Variants in MCPH1 observed in about 807,000 individuals in gnomAD.
MCPH1 encodes microcephalin.
In MCPH1, 104 loss-of-function variants were observed where a neutral mutation model predicts 84.5. The ratio of observed to expected loss-of-function variants is 1.23; its 90% CI spans 1.05 to 1.45. The LOEUF is 1.45. MCPH1 is among the 40% of genes most tolerant of loss of function. The probability of loss-of-function intolerance (pLI) is 0.00; values close to 1 mark genes in which losing one functional copy is unlikely to be tolerated. For missense variants in MCPH1, 1,498 were observed against 1,005.7 expected (o/e 1.49, Z -6.62); for synonymous variants, 514 against 366.8 (o/e 1.40, Z -4.58).
rs1185297486 is a variant in MCPH1 at position 6,467,430 on chromosome 8, A to G, written c.1936-10164A>G. On this transcript the variant is annotated intron_variant, in intron 9 of 13. Coordinates refer to ENST00000344683, the MANE Select transcript of MCPH1 (RefSeq NM_024596.5). Reference sequence around the variant, plus strand: ...AGTTCTCATCATTAAAAGCAGTACTAAAATCTTATCCCAGAATTTATAGGT... The same window carrying G: ...AGTTCTCATCATTAAAAGCAGTACTGAAATCTTATCCCAGAATTTATAGGT... Among the ~76,000 whole-genome samples the G allele has an allele frequency of 2.6e-5, 4 of 152,166 alleles. No individual in the cohort carries two copies. The East Asian group carries it at 5.8e-4, about 22-fold the overall frequency.
In MCPH1 at chr8:6,511,256, G is replaced by A. The variant is rs183290562; in HGVS notation, c.2214+11327G>A. ...AAATTTGGTTATTAAGAATGGCCAC[G>A]TTCTTGAAGTTGCTTTACATTGGTA... On this transcript the variant is annotated intron_variant, in intron 12 of 13. Transcript: ENST00000344683. Among the ~76,000 whole-genome samples, 679 of 151,552 alleles carry A rather than the reference G, an allele frequency of 4.5e-3. 11 individuals carry two copies. Among genetic ancestry groups the A allele is most frequent in the Non-Finnish European group, 3.6e-3 (247 of 67,900 alleles).
rs567545862 is a variant in MCPH1, at chr8:6,527,301, G to T, written c.2214+27372G>T. ...ATTAGCATGCAGAATACTGAGGCAG[G>T]GTTTGGAGGATTACTCTAAGAGGAT... On this transcript the variant is annotated intron_variant, in intron 12 of 13. Transcript: ENST00000344683. Among the ~76,000 whole-genome samples, 9 of 152,294 alleles carry T rather than the reference G, an allele frequency of 5.9e-5. No homozygotes were observed. The South Asian group carries it at 1.9e-3, about 32-fold the overall frequency.
At chr8:6,466,497 C>T (rs1451704498) in intron 9 of MCPH1, among the ~76,000 whole-genome samples, 1 of 152,268 alleles carries the variant, frequency 6.6e-6, no homozygotes, top group South Asian at 2.1e-4. Flanking sequence ...TCGGTAGCAA[C>T]GAGGTTTCGC....
At chr8:6,641,429 T>C (rs563915235) in intron 13 of MCPH1, among the ~76,000 whole-genome samples, 3 of 152,230 alleles carry the variant, frequency 2.0e-5, no homozygotes, top group Non-Finnish European at 2.9e-5. Context: ...TTGAAACTTA[T>C]ACATGGCAAA....
chr8:6,466,131 T>A (rs1167111417), intron 9 of MCPH1, among the ~76,000 whole-genome samples: 75,701 of 100,172 alleles, frequency 0.76, 26,362 homozygotes, highest in Non-Finnish European at 0.81. Flanking sequence ...ATTTTTGGAT[T>A]TTTTTTTTTT....
chr8:6,497,005 CT>C (rs1297647218), intron 11 of MCPH1, among the ~76,000 whole-genome samples: 1 of 152,010 alleles, frequency 6.6e-6, no homozygotes, highest in Non-Finnish European at 1.5e-5. Flanking sequence ...TTATGAAATA[CT>C]TTGTGAATAA....
intron 6 of MCPH1, among the ~76,000 whole-genome samples, chr8:6,439,805 T>C (rs768408896): frequency 1.3e-5 from 2 of 152,254 alleles, no homozygotes; most frequent in African/African-American, 4.8e-5. Context: ...ATTACTGAAG[T>C]GTAATTCACA....
rs555583700 is a variant in MCPH1 at position 6,422,844 on chromosome 8, A to C, written c.233+7961A>C. On this transcript the variant is annotated intron_variant, in intron 3 of 13. Transcript: ENST00000344683. ...GCTGGGACTACCGGAGCCCGCCACC[A>C]CGCCCGGCTAATTTTTTGTGGTTTT... Among the ~76,000 whole-genome samples the C allele has an allele frequency of 4.4e-3, 668 of 151,824 alleles. 6 individuals are homozygous for C. The highest frequency in any genetic ancestry group is 0.016 in the African/African-American group (642 of 41,396).
In MCPH1 at chr8:6,447,214, C is replaced by G. The variant is rs936716102; in HGVS notation, c.1825+1667C>G. 6 of 985,212 alleles carry G rather than the reference C, an allele frequency of 6.1e-6. No individual in the cohort carries two copies. In the African/African-American group the frequency reaches 1.0e-4, roughly 17 times the overall value. The allele number at this position is 985,212 out of a possible 1,614,324, so 61.0% of individuals were successfully genotyped here. On this transcript the variant is annotated intron_variant, in intron 8 of 13. Transcript: ENST00000344683. ...ATCAATGTTTTAAACTGTCCACTGT[C>G]AGCCCCCTGGGACTCAGGTGAACCA... is the stretch of plus-strand genomic sequence containing the variant.
At chr8:6,635,694 GGT>G (rs1797496595) in intron 13 of MCPH1, among the ~76,000 whole-genome samples, 1 of 152,200 alleles carries the variant, frequency 6.6e-6, no homozygotes, top group African/African-American at 2.4e-5. Flanking sequence ...CATTGTTAGT[GGT>G]GCAGATACCA....
intron 12 of MCPH1, among the ~76,000 whole-genome samples, chr8:6,580,132 G>T (rs1232962007): frequency 6.6e-6 from 1 of 152,200 alleles, no homozygotes; most frequent in African/African-American, 2.4e-5. Flanking sequence ...TAGACGCTAT[G>T]GTGGGAAGAT....
intron 12 of MCPH1, among the ~76,000 whole-genome samples, chr8:6,584,160 A>C (rs1375147670): frequency 6.6e-6 from 1 of 152,196 alleles, no homozygotes; most frequent in Non-Finnish European, 1.5e-5. Context: ...GTGAATTTGT[A>C]ATCAAAAGTC....
intron 12 of MCPH1, among the ~76,000 whole-genome samples, chr8:6,526,607 C>T (rs192063483): frequency 5.8e-4 from 89 of 152,252 alleles, no homozygotes; most frequent in African/African-American, 1.9e-3. Context: ...ATGACTTAAA[C>T]TTGGTATCCA....
intron 12 of MCPH1, among the ~76,000 whole-genome samples, chr8:6,610,169 T>TCATGCTTCTGGTTCTCTTAAATAGATGCA (rs1404470649): frequency 2.6e-5 from 4 of 152,214 alleles, no homozygotes; most frequent in Non-Finnish European, 5.9e-5. Flanking sequence ...TGTTAAATGC[T>TCATGCTTCTGGTTCTCTTAAATAGATGCA]CATGCTTCTG....
At chr8:6,474,549 A>C (rs1364628221) in intron 9 of MCPH1, among the ~76,000 whole-genome samples, 2 of 152,242 alleles carry the variant, frequency 1.3e-5, no homozygotes, top group African/African-American at 4.8e-5. Context: ...AATAATTTAA[A>C]AAATTATTGT....
At chr8:6,527,752 T>C in intron 12 of MCPH1, 1 of 1,292,472 alleles carries the variant, frequency 7.7e-7, no homozygotes, top group Non-Finnish European at 1.1e-6. Context: ...TTCATTAAAG[T>C]ACCCAAGCTA....
intron 12 of MCPH1, among the ~76,000 whole-genome samples, chr8:6,516,620 T>A (rs1816322691): frequency 6.6e-6 from 1 of 152,214 alleles, no homozygotes; most frequent in Non-Finnish European, 1.5e-5. Context: ...TATTTCTTTT[T>A]AAAAATCTAT....
chr8:6,476,698 C>G (rs1407388029), intron 9 of MCPH1, among the ~76,000 whole-genome samples: 1 of 152,132 alleles, frequency 6.6e-6, no homozygotes. Flanking sequence ...TTTCGTCAAC[C>G]CTGGGGTCCT....
intron 12 of MCPH1, among the ~76,000 whole-genome samples, chr8:6,567,944 C>A (rs1209213271): frequency 6.6e-6 from 1 of 152,232 alleles, no homozygotes; most frequent in Non-Finnish European, 1.5e-5. Context: ...TGCTGAACAG[C>A]TGTGCATAGT....
Sources: allele counts gnomAD v4.1 joint callset (sites outside exome capture counted in the v4.1 genomes callset), GRCh38; gene constraint gnomAD v4.1.1; transcripts MANE v1.5; gene names NCBI Gene and HGNC (gene_info 2026-07-23, HGNC 2026-07-21).